Variants in ADGRB3 observed in about 807,000 individuals in gnomAD.
The protein encoded by ADGRB3 is brain-specific angiogenesis inhibitor 3.
ADGRB3 carries 37 observed loss-of-function variants against 193.4 expected under a neutral mutation model. The observed-to-expected ratio is 0.19, with a 90% CI of 0.15 to 0.25. ADGRB3 has a LOEUF of 0.25. Among genes scored for constraint, ADGRB3 ranks in the 10% least tolerant of loss-of-function variants. The pLI is 1.00. For synonymous variants in ADGRB3, 690 were observed against 644.2 expected (o/e 1.07, Z -1.08); for missense variants, 1,637 against 1,852.9 (o/e 0.88, Z 2.14).
At chr6:69,243,824 TC>T (rs1333188540) in intron 20 of ADGRB3, among the ~76,000 whole-genome samples, 1 of 151,994 alleles carries the variant, frequency 6.6e-6, no homozygotes, top group African/African-American at 2.4e-5. Context: ...CTTGGACTCC[TC>T]CTAGAATTAC....
intron 24 of ADGRB3, among the ~76,000 whole-genome samples, chr6:69,334,731 CTAGTAGTA>C (rs1768808996): frequency 1.3e-5 from 2 of 152,112 alleles, no homozygotes; most frequent in African/African-American, 4.8e-5. Flanking sequence ...AGTTCTGCTG[CTAGTAGTA>C]TAAACTTACA....
intron 11 of ADGRB3, among the ~76,000 whole-genome samples, chr6:68,999,753 G>C (rs1401605710): frequency 6.6e-6 from 1 of 152,008 alleles, no homozygotes; most frequent in African/African-American, 2.4e-5. Context: ...AATTATTGTT[G>C]CTAGGTCTGC....
chr6:68,828,513 G>C (rs1210396704), intron 3 of ADGRB3, among the ~76,000 whole-genome samples: 2 of 152,126 alleles, frequency 1.3e-5, no homozygotes, highest in African/African-American at 2.4e-5. Context: ...GTCTCTAAAA[G>C]TGTTTAGGGT....
chr6:69,068,932 A>G (rs368803285), intron 16 of ADGRB3, among the ~76,000 whole-genome samples: 9 of 151,432 alleles, frequency 5.9e-5, no homozygotes, highest in African/African-American at 1.7e-4. Context: ...GCTAAAGCCA[A>G]TTTTTTTTTC....
intron 20 of ADGRB3, among the ~76,000 whole-genome samples, chr6:69,259,433 C>T (rs942673413): frequency 4.6e-5 from 7 of 152,238 alleles, no homozygotes; most frequent in Admixed American, 6.5e-5. Flanking sequence ...CGGTGGCTCA[C>T]GCCTGTAATC....
chr6:68,683,654 C>G (rs1764934859), intron 3 of ADGRB3, among the ~76,000 whole-genome samples: 1 of 152,150 alleles, frequency 6.6e-6, no homozygotes, highest in African/African-American at 2.4e-5. Context: ...GGCCTATGAG[C>G]TGAGATTGCG....
chr6:68,641,300 T>G (rs1246577441), intron 3 of ADGRB3, among the ~76,000 whole-genome samples: 1 of 152,148 alleles, frequency 6.6e-6, no homozygotes, highest in East Asian at 1.9e-4. Flanking sequence ...TTTCAAAGAT[T>G]TTTTGATCAT....
At chr6:69,075,551 A>G (rs567931112) in intron 16 of ADGRB3, among the ~76,000 whole-genome samples, 1 of 152,316 alleles carries the variant, frequency 6.6e-6, no homozygotes, top group East Asian at 1.9e-4. Context: ...GGAAACATCA[A>G]CTAGAGGCTG....
chr6:68,772,887 AAAAAAAAATAT>A lies in ADGRB3; in HGVS notation c.757+133457_757+133467del, dbSNP rs1338281787. 0.01 allele frequency among the ~76,000 whole-genome samples: 494 copies of A among 48,276 alleles called. 23 individuals are homozygous for A. In the East Asian group the frequency reaches 0.17, roughly 17 times the overall value. The allele number at this position is 48,276 out of a possible 152,430, so 31.7% of individuals were successfully genotyped here. A position where few individuals can be genotyped will look rare whatever the true frequency, so the allele number is the denominator to read the frequency against. The stretch of plus-strand genomic sequence containing the variant: ...CAAACAAACAAACAAACAAACAAAA[AAAAAAAAATAT>A]ATATATATATATATATATATATATA... On this transcript the variant is annotated intron_variant, in intron 3 of 31. Coordinates refer to ENST00000370598, the MANE Select transcript of ADGRB3 (RefSeq NM_001704.3).
chr6:68,672,018 C>G (rs1337892957), intron 3 of ADGRB3, among the ~76,000 whole-genome samples: 1 of 151,784 alleles, frequency 6.6e-6, no homozygotes, highest in Admixed American at 6.6e-5. Context: ...TAGGAATTTG[C>G]CATTTATTCT....
At chr6:68,772,208 C>A (rs559771055) in intron 3 of ADGRB3, among the ~76,000 whole-genome samples, 2 of 151,942 alleles carry the variant, frequency 1.3e-5, no homozygotes, top group East Asian at 3.9e-4. Context: ...AAAGGCCTAG[C>A]AATTGATTGG....
intron 6 of ADGRB3, among the ~76,000 whole-genome samples, chr6:68,951,202 T>C (rs1230348532): frequency 2.0e-5 from 3 of 152,334 alleles, no homozygotes; most frequent in South Asian, 2.1e-4. Context: ...TTAGTGAATT[T>C]ATTTTACAGT....
At chr6:69,113,864 G>A (rs1773445883) in intron 17 of ADGRB3, among the ~76,000 whole-genome samples, 1 of 152,146 alleles carries the variant, frequency 6.6e-6, no homozygotes, top group Non-Finnish European at 1.5e-5. Flanking sequence ...AGATATTAAT[G>A]ATGTCACCTA....
chr6:68,899,154 C>G (rs908056689), intron 3 of ADGRB3, among the ~76,000 whole-genome samples: 1 of 152,036 alleles, frequency 6.6e-6, no homozygotes, highest in East Asian at 1.9e-4. Flanking sequence ...ATTTTCTCAA[C>G]TTTTATGTGA....
chr6:69,011,165 G>A (rs945612), intron 11 of ADGRB3, among the ~76,000 whole-genome samples: 136 of 133,228 alleles, frequency 1.0e-3, no homozygotes, highest in Non-Finnish European at 1.7e-3. Flanking sequence ...GTGTGTGTGT[G>A]TGTATATATA....
At chr6:69,066,758 T>G (rs1207569929) in intron 16 of ADGRB3, among the ~76,000 whole-genome samples, 1 of 152,056 alleles carries the variant, frequency 6.6e-6, no homozygotes, top group African/African-American at 2.4e-5. Flanking sequence ...TTTTTCTCCC[T>G]CCAAAAATTT....
chr6:69,349,237 C>A (rs1257312245), intron 26 of ADGRB3, among the ~76,000 whole-genome samples: 1 of 152,166 alleles, frequency 6.6e-6, no homozygotes, highest in East Asian at 1.9e-4. Flanking sequence ...AATGCTGCTA[C>A]ATATTTTTCA....
At chr6:68,637,314 T>G (rs7754547) in intron 1 of ADGRB3, 77 bp from the exon 2 acceptor site, 31,259 of 152,580 alleles carry the variant, frequency 0.2, 4,149 homozygotes, top group Non-Finnish European at 0.3. Flanking sequence ...TTTTATCCTT[T>G]GATTCAGAGA....
chr6:68,836,345 T>C (rs1427420886), intron 3 of ADGRB3, among the ~76,000 whole-genome samples: 1 of 143,194 alleles, frequency 7.0e-6, no homozygotes, highest in Non-Finnish European at 1.5e-5. Context: ...ACTTCTTCCC[T>C]GCACCATTTT....
Sources: allele counts gnomAD v4.1 joint callset (sites outside exome capture counted in the v4.1 genomes callset), GRCh38; gene constraint gnomAD v4.1.1; transcripts MANE v1.5; gene names NCBI Gene and HGNC (gene_info 2026-07-23, HGNC 2026-07-21).